RNF175: variants seen among roughly 807,000 people sequenced by gnomAD.
The protein encoded by RNF175 is ring finger protein 175.
RNF175 carries 38 observed loss-of-function variants against 50.0 expected under a neutral mutation model. The ratio of observed to expected loss-of-function variants is 0.76; its 90% CI spans 0.59 to 1.00. The LOEUF (loss-of-function observed/expected upper bound fraction) is 1.00, where lower values mean the gene tolerates loss of function less well. RNF175 is among the 50% of genes least tolerant of loss of function. The pLI is 0.00. For missense variants in RNF175, 388 were observed against 409.6 expected (o/e 0.95, Z 0.46); for synonymous variants, 155 against 146.1 (o/e 1.06, Z -0.44).
chr4:153,750,598 C>G (rs1384660903), intron 2 of RNF175, among the ~76,000 whole-genome samples: 1 of 152,134 alleles, frequency 6.6e-6, no homozygotes, highest in African/African-American at 2.4e-5. Context: ...TTACGTGGCT[C>G]TTAGTCTCTC....
intron 3 of RNF175, among the ~76,000 whole-genome samples, chr4:153,741,087 G>T (rs1002287359): frequency 6.6e-6 from 1 of 152,216 alleles, no homozygotes; most frequent in Non-Finnish European, 1.5e-5. Context: ...TAAGGATAGT[G>T]GGAGCATTCT....
rs900412259 is a variant in RNF175 at position 153,748,799 on chromosome 4, A to G, written c.105-13T>C. Reference sequence around the variant, plus strand: ...CTCCTGCTGCAGGCTGGAACCAGCAAAATGAGGTCATCTGAAAAAGCCCTC... The same window carrying G: ...CTCCTGCTGCAGGCTGGAACCAGCAGAATGAGGTCATCTGAAAAAGCCCTC... On this transcript the variant is annotated splice_polypyrimidine_tract_variant and intron_variant, in intron 2 of 8. Coordinates refer to ENST00000347063, the MANE Select transcript of RNF175 (RefSeq NM_173662.4). 4.4e-6 allele frequency: 7 copies of G among 1,609,090 alleles called. No individual in the cohort carries two copies. The Admixed American group carries it at 5.1e-5, about 12-fold the overall frequency.
intron 6 of RNF175, among the ~76,000 whole-genome samples, chr4:153,718,457 T>C (rs1308769026): frequency 1.3e-5 from 2 of 151,944 alleles, no homozygotes; most frequent in African/African-American, 4.8e-5. Context: ...GTGGTTTTTA[T>C]AGATTTGGTC....
intron 3 of RNF175, among the ~76,000 whole-genome samples, chr4:153,732,125 G>T (rs1266268153): frequency 6.6e-6 from 1 of 152,104 alleles, no homozygotes; most frequent in East Asian, 1.9e-4. Flanking sequence ...CCAGCTACTT[G>T]GGTGGCTGAA....
intron 4 of RNF175, among the ~76,000 whole-genome samples, chr4:153,724,576 G>A (rs1454953370): frequency 6.6e-6 from 1 of 152,046 alleles, no homozygotes; most frequent in Non-Finnish European, 1.5e-5. Context: ...CCCAAGTCCT[G>A]AGCCCTGTCT....
At chr4:153,744,989 A>G (rs1227254654) in intron 3 of RNF175, among the ~76,000 whole-genome samples, 2 of 152,234 alleles carry the variant, frequency 1.3e-5, no homozygotes, top group Non-Finnish European at 2.9e-5. Context: ...CCTGTACTAT[A>G]TAGGAAATAA....
chr4:153,720,912 T>C (rs968813542), intron 5 of RNF175, among the ~76,000 whole-genome samples: 1 of 152,202 alleles, frequency 6.6e-6, no homozygotes, highest in Non-Finnish European at 1.5e-5. Context: ...TTTCTAATGA[T>C]CTTTCCTAAC....
chr4:153,737,711 T>C (rs1739423789), intron 3 of RNF175, among the ~76,000 whole-genome samples: 1 of 152,220 alleles, frequency 6.6e-6, no homozygotes, highest in African/African-American at 2.4e-5. Flanking sequence ...GAGTGTTTTA[T>C]GGCTCAGAAT....
chr4:153,715,260 C>T, intron 7 of RNF175: 1 of 476,990 alleles, frequency 2.1e-6, no homozygotes, highest in Middle Eastern at 4.4e-4. Flanking sequence ...CCCCTGCCAG[C>T]ACCCTGCTCA....
At chr4:153,753,172 G>T (rs949255360) in intron 1 of RNF175, among the ~76,000 whole-genome samples, 1 of 152,196 alleles carries the variant, frequency 6.6e-6, no homozygotes, top group African/African-American at 2.4e-5. Flanking sequence ...ACCAGCATGC[G>T]GGCAGTGCAG....
intron 8 of RNF175, 52 bp downstream of exon 8, chr4:153,712,423 C>T: frequency 1.8e-6 from 2 of 1,126,888 alleles, no homozygotes; most frequent in Non-Finnish European, 2.6e-6. Context: ...AAGAATATAT[C>T]CCCAGAAACA....
chr4:153,729,850 C>T (rs768390457), intron 3 of RNF175: 19 of 978,358 alleles, frequency 1.9e-5, no homozygotes, highest in Non-Finnish European at 2.3e-5. Flanking sequence ...CCTATAACTT[C>T]AATTTTTGTT....
intron 1 of RNF175, among the ~76,000 whole-genome samples, chr4:153,758,261 A>C (rs1740652927): frequency 6.6e-6 from 1 of 152,230 alleles, no homozygotes; most frequent in African/African-American, 2.4e-5. Flanking sequence ...GTGCAAATGA[A>C]TCACCCTGGG....
intron 3 of RNF175, among the ~76,000 whole-genome samples, chr4:153,734,520 A>C (rs186313100): frequency 1.9e-3 from 293 of 152,268 alleles, no homozygotes; most frequent in Non-Finnish European, 3.3e-3. Context: ...ATGTGTAATT[A>C]ATTACATAAG....
At chr4:153,711,756 T>G (rs1737599060) in intron 8 of RNF175, among the ~76,000 whole-genome samples, 1 of 152,206 alleles carries the variant, frequency 6.6e-6, no homozygotes, top group Non-Finnish European at 1.5e-5. Context: ...ATAGTGAGGT[T>G]GAAGACAAAG....
intron 5 of RNF175, chr4:153,720,656 C>G (rs763039258): frequency 5.0e-6 from 1 of 200,604 alleles, no homozygotes; most frequent in Non-Finnish European, 1.0e-5. Context: ...CCCCAGGTAA[C>G]TCCAATGGGC....
At chr4:153,750,486 C>G (rs1259371216) in intron 2 of RNF175, among the ~76,000 whole-genome samples, 1 of 152,180 alleles carries the variant, frequency 6.6e-6, no homozygotes, top group African/African-American at 2.4e-5. Context: ...GAGAGGGATT[C>G]TCAGAATGTC....
At chr4:153,744,549 T>C (rs1739866259) in intron 3 of RNF175, among the ~76,000 whole-genome samples, 1 of 152,232 alleles carries the variant, frequency 6.6e-6, no homozygotes, top group African/African-American at 2.4e-5. Context: ...CACACCTGTA[T>C]TACTATGGAA....
At position 153,718,213 on chromosome 4, in the gene RNF175, T is replaced by TTTTG. The variant is rs1304527389; in HGVS notation, c.630+1970_630+1971insCAAA. 3.0e-4 allele frequency among the ~76,000 whole-genome samples: 16 copies of TTTTG among 53,422 alleles called. No homozygotes were observed. In the East Asian group the frequency reaches 3.1e-3, roughly 10 times the overall value. The allele number at this position is 53,422 out of a possible 152,430, so 35.0% of individuals were successfully genotyped here. A position where few individuals can be genotyped will look rare whatever the true frequency, so the allele number is the denominator to read the frequency against. ...AGCTCATTCCTTTCCTAAGGAGTTT[T>TTTTG]TTTTGTTTGTTTGTTTGTTTGTTTG... On this transcript the variant is annotated intron_variant, in intron 6 of 8. Coordinates refer to ENST00000347063, the MANE Select transcript of RNF175 (RefSeq NM_173662.4).
Sources: allele counts gnomAD v4.1 joint callset (sites outside exome capture counted in the v4.1 genomes callset), GRCh38; gene constraint gnomAD v4.1.1; transcripts MANE v1.5; gene names NCBI Gene and HGNC (gene_info 2026-07-23, HGNC 2026-07-21).